DHX37: variants seen among roughly 807,000 people sequenced by gnomAD.
The protein encoded by DHX37 is DEAH-box helicase 37.
Under a neutral mutation model 134.3 loss-of-function variants are expected in DHX37, and 52 were observed. The ratio of observed to expected loss-of-function variants is 0.39; its 90% CI spans 0.31 to 0.49. The LOEUF (loss-of-function observed/expected upper bound fraction) is 0.49, where lower values mean the gene tolerates loss of function less well. Ranked by LOEUF, DHX37 falls within the 20% of genes least tolerant of loss-of-function variation. The pLI is 0.93. For missense variants in DHX37, 1,344 were observed against 1,580.8 expected (o/e 0.85, Z 2.54); for synonymous variants, 634 against 670.7 (o/e 0.95, Z 0.85).
intron 7 of DHX37, 48 bp downstream of exon 7, chr12:124,972,455 C>T (rs549607225): frequency 1.9e-6 from 3 of 1,599,446 alleles, no homozygotes; most frequent in South Asian, 1.1e-5. Context: ...TAGCATCCCG[C>T]CCCCATGCCC....
At position 124,949,943 on chromosome 12, in the gene DHX37, G is replaced by A. The variant is rs747955895; in HGVS notation, c.3290+43C>T. The A allele has an allele frequency of 1.5e-5, 23 of 1,565,960 alleles. No homozygotes were observed. The highest frequency in any genetic ancestry group is 5.4e-5 in the African/African-American group (4 of 73,624). On this transcript the variant is annotated intron_variant, in intron 25 of 26. Transcript: ENST00000308736. This position sits in a 1 kb window ranked among gnomAD's most constrained non-coding sequence, Gnocchi z 4.0. ...GCCCCGGGGAGGTCATTCAGGCCTC[G>A]GACCCCTCCTGCCCACTGCGAGGCT...
intron 13 of DHX37, 61 bp downstream of exon 13, chr12:124,965,607 C>T: frequency 6.6e-7 from 1 of 1,518,154 alleles, no homozygotes; most frequent in South Asian, 1.4e-5. Flanking sequence ...CACAAGGGCT[C>T]TGGGCACATC....
At position 124,950,708 on chromosome 12, in the gene DHX37, T is replaced by C; in HGVS notation, c.2965A>G (p.Thr989Ala). Residue 989 changes from threonine (T) to alanine (A), a missense_variant, in exon 22 of 27, where the codon ACT (threonine) becomes GCT (alanine). Around this residue, in one of 7 missense-constraint regions of DHX37, gnomAD observed 558 missense variants for 650.0 expected, o/e 0.86. Coordinates refer to ENST00000308736, the MANE Select transcript of DHX37 (RefSeq NM_032656.4). ...FVVYQEIVET[T>A]KMYMKGVSSV... is the part of the protein sequence containing the mutation. ...TCGGCACCTTTCATGTACATCTTAG[T>C]GGTCTCCACGATTTCCTGGTAGACC... The C allele has an allele frequency of 6.2e-7, 1 of 1,612,080 alleles. No homozygotes were observed. Among genetic ancestry groups the C allele is most frequent in the Non-Finnish European group, 8.5e-7 (1 of 1,179,394 alleles).
Position 124,952,450 on chromosome 12 carries a change from CG to C in DHX37, c.2815del (p.Arg939AlafsTer55). 1 of 1,610,856 alleles carries C rather than the reference CG, an allele frequency of 6.2e-7. No homozygotes were observed. Among genetic ancestry groups the C allele is most frequent in the Admixed American group, 1.7e-5 (1 of 59,926 alleles). On this transcript the variant is annotated frameshift_variant, in exon 21 of 27. Transcript: ENST00000308736. LOFTEE classifies it high-confidence loss of function. ...CAGCATCTCCTCGCTCTGGACCCTG[CG>C]GGCCAAGTGGTCCCCCAGGCCTGCC... ...VTAGLGDHLA[R>X]RVQSEEMLED...
At chr12:124,960,775 GA>G (rs1187557068) in intron 15 of DHX37, among the ~76,000 whole-genome samples, 1 of 152,156 alleles carries the variant, frequency 6.6e-6, no homozygotes, top group African/African-American at 2.4e-5. Flanking sequence ...CCAACATGGG[GA>G]AACCCCCATC....
chr12:124,962,448 G>A (rs576264157), intron 15 of DHX37, among the ~76,000 whole-genome samples: 45 of 152,238 alleles, frequency 3.0e-4, no homozygotes, highest in African/African-American at 1.1e-3. Context: ...CTGAGGTCAG[G>A]AGTTCAAGAC....
chr12:124,970,879 C>T (rs895849920), intron 8 of DHX37, among the ~76,000 whole-genome samples: 32 of 152,292 alleles, frequency 2.1e-4, no homozygotes, highest in Admixed American at 2.0e-4. Context: ...CAGGCTGGGG[C>T]AGGGAGATGG....
intron 5 of DHX37, among the ~76,000 whole-genome samples, chr12:124,976,129 C>G (rs1015775326): frequency 4.6e-5 from 7 of 152,214 alleles, no homozygotes; most frequent in African/African-American, 1.7e-4. Context: ...ACTAGCTTCC[C>G]TGGTGGAGGA....
Position 124,967,168 on chromosome 12 carries a change from G to A in DHX37, c.1459C>T (p.Arg487Cys), listed in dbSNP as rs1393529531. Reference protein sequence around the residue: ...TGQAEVHALCRRLRKAFPPSR... With the variant: ...TGQAEVHALCCRLRKAFPPSR... Reference sequence around the variant, plus strand: ...GGTGGGAAAGCCTTCCTGAGCCTGCGGCACAGCGCATGCACCTCAGCCTGC... The same window carrying A: ...GGTGGGAAAGCCTTCCTGAGCCTGCAGCACAGCGCATGCACCTCAGCCTGC... Residue 487 changes from arginine (R) to cysteine (C), a missense_variant, in exon 11 of 27, where the codon CGC (arginine) becomes TGC (cysteine). Arg to Cys is a radical substitution (Grantham distance 180, BLOSUM62 -3). Coordinates refer to ENST00000308736, the MANE Select transcript of DHX37 (RefSeq NM_032656.4). 9.3e-6 allele frequency: 15 copies of A among 1,613,720 alleles called. No individual in the cohort carries two copies. Among genetic ancestry groups the A allele is most frequent in the African/African-American group, 4.0e-5 (3 of 74,932 alleles).
chr12:124,955,985 C>T (rs1954085871), intron 18 of DHX37, among the ~76,000 whole-genome samples: 1 of 152,176 alleles, frequency 6.6e-6, no homozygotes, highest in Non-Finnish European at 1.5e-5. Flanking sequence ...TCAACAGATT[C>T]CCCAGTGTCC....
intron 16 of DHX37, among the ~76,000 whole-genome samples, chr12:124,959,152 C>A (rs1274747139): frequency 6.7e-6 from 1 of 149,650 alleles, no homozygotes; most frequent in Non-Finnish European, 1.5e-5. Context: ...CGGCCCATTG[C>A]AACCTCCGCC....
Position 124,977,331 on chromosome 12 carries a change from C to T in DHX37, c.887+11G>A. ...GAGGGACCCAGAGAGAACCCTGTGT[C>T]CAGCCCCTACCTGCTGAAGCCTGCT... On this transcript the variant is annotated intron_variant, in intron 5 of 26. Transcript: ENST00000308736. The T allele has an allele frequency of 6.5e-7, 1 of 1,533,006 alleles. No homozygotes were observed. The highest frequency in any genetic ancestry group is 2.1e-5 in the Admixed American group (1 of 46,692). 95.0% of individuals were successfully genotyped at this position (1,533,006 alleles called of 1,614,324 possible).
intron 15 of DHX37, among the ~76,000 whole-genome samples, chr12:124,961,252 G>GCACGCACACACACACGCGTGCACA (rs1566332387): frequency 9.4e-6 from 1 of 106,824 alleles, no homozygotes; most frequent in African/African-American, 7.1e-5. Flanking sequence ...ACGCGTGCAC[G>GCACGCACACACACACGCGTGCACA]CACGCACACA....
intron 21 of DHX37, among the ~76,000 whole-genome samples, chr12:124,951,928 C>T (rs1953984549): frequency 1.3e-5 from 2 of 152,096 alleles, no homozygotes; most frequent in Non-Finnish European, 1.5e-5. Flanking sequence ...GCTGAGTTCG[C>T]ACCACTATAC....
rs573957783 is a variant in DHX37, at chr12:124,976,439, G to A, written c.887+903C>T. On this transcript the variant is annotated intron_variant, in intron 5 of 26. Coordinates refer to ENST00000308736, the MANE Select transcript of DHX37 (RefSeq NM_032656.4). ...GAAAATGGTAAGCGCAGGCTGGGCG[G>A]GGTGGCTCACGCCTGTAATCCCAGC... Among the ~76,000 whole-genome samples the A allele has an allele frequency of 5.4e-4, 82 of 152,216 alleles. 1 individual carries two copies. The highest frequency in any genetic ancestry group is 1.9e-3 in the African/African-American group (78 of 41,536).
chr12:124,966,141 C>T (rs1271201570), intron 12 of DHX37, among the ~76,000 whole-genome samples: 4 of 152,226 alleles, frequency 2.6e-5, no homozygotes, highest in Admixed American at 6.5e-5. Flanking sequence ...ACAAGACCCA[C>T]GGTGCCTTCA....
chr12:124,948,241 G>C, intron 25 of DHX37, 60 bp from the exon 26 acceptor site: 1 of 1,570,712 alleles, frequency 6.4e-7, no homozygotes, highest in East Asian at 2.3e-5. Context: ...GCTGCTGCTG[G>C]GGGCCCGAAA....
Position 124,964,614 on chromosome 12 carries a change from G to T in DHX37, c.1825C>A (p.Pro609Thr). ...ACACACAACCGAGTCCCCTCCGGTG[G>T]AGGCTTAAAGACCTAGGATTCGGGG... The part of the protein sequence containing the change: ...PEKQAQVFKP[P>T]PEGTRLCVVA... Residue 609 changes from proline (P) to threonine (T), a missense_variant, in exon 15 of 27, where the codon CCA becomes ACA. This residue lies in a region of DHX37 where 289 missense variants were observed against 323.8 expected (regional missense o/e 0.89). Coordinates refer to ENST00000308736, the MANE Select transcript of DHX37 (RefSeq NM_032656.4). 6.2e-7 allele frequency: 1 copy of T among 1,609,364 alleles called. No individual in the cohort carries two copies. The highest frequency in any genetic ancestry group is 8.5e-7 in the Non-Finnish European group (1 of 1,178,890).
intron 11 of DHX37, 56 bp downstream of exon 11, chr12:124,967,067 C>T (rs904078244): frequency 1.5e-5 from 24 of 1,591,336 alleles, no homozygotes; most frequent in Admixed American, 5.1e-5. Context: ...AGCCAGGGAG[C>T]GCGAGGCCAA....
Sources: allele counts gnomAD v4.1 joint callset (sites outside exome capture counted in the v4.1 genomes callset), GRCh38; gene constraint gnomAD v4.1.1; regional missense constraint gnomAD v4.1.1; non-coding constraint Gnocchi (gnomAD v3.1); transcripts MANE v1.5; gene names NCBI Gene and HGNC (gene_info 2026-07-23, HGNC 2026-07-21).